The following DPP8 variants were observed in gnomAD, a reference collection of about 807,000 sequenced individuals.
DPP8 encodes DPP VIII.
Under a neutral mutation model 107.5 loss-of-function variants are expected in DPP8, and 31 were observed. The observed-to-expected ratio is 0.29, with a 90% CI of 0.22 to 0.39. The LOEUF is 0.39. DPP8 is among the 10% of genes least tolerant of loss of function. The pLI is 1.00. For synonymous variants in DPP8, 381 were observed against 356.6 expected (o/e 1.07, Z -0.77); for missense variants, 842 against 1,076.1 (o/e 0.78, Z 3.04).
rs751321402 is a variant in DPP8 at position 65,490,313 on chromosome 15, A to T, written c.716-14T>A. On this transcript the variant is annotated splice_polypyrimidine_tract_variant and intron_variant, in intron 5 of 19. Transcript: ENST00000300141. ...TGTTGGCTAGCTCTAGACAAATATA[A>T]AAGGCAAAATTATCACAGAAAGCTA... 7 of 1,514,272 alleles carry T rather than the reference A, an allele frequency of 4.6e-6. No individual in the cohort carries two copies. Among genetic ancestry groups the T allele is most frequent in the Non-Finnish European group, 6.4e-6 (7 of 1,090,150 alleles). The allele number at this position is 1,514,272 out of a possible 1,614,324, so 93.8% of individuals were successfully genotyped here.
At chr15:65,507,380 T>C (rs2070179706) in intron 2 of DPP8, 25 bp from the exon 3 acceptor site, 1 of 1,456,716 alleles carries the variant, frequency 6.9e-7, no homozygotes, top group Non-Finnish European at 9.6e-7. Flanking sequence ...AATCATTTAT[T>C]ATTATTTTTT....
At chr15:65,515,599 G>T in intron 1 of DPP8, 1 of 1,458,152 alleles carries the variant, frequency 6.9e-7, no homozygotes, top group Non-Finnish European at 9.6e-7. Context: ...TCAGCACAGT[G>T]CATATATTTC....
In DPP8 at chr15:65,452,000, A is replaced by C. The variant is rs1395161896; in HGVS notation, c.2374T>G (p.Leu792Val). Residue 792 changes from leucine (L) to valine (V), a missense_variant, in exon 18 of 20, where the codon TTA becomes GTA. Leu to Val is a conservative substitution (Grantham distance 32). Around this residue, in one of 2 missense-constraint regions of DPP8, gnomAD observed 179 missense variants for 318.0 expected, o/e 0.56. Coordinates refer to ENST00000300141, the MANE Select transcript of DPP8 (RefSeq NM_130434.5). ...TCTGCTTGCATGGCCACAGATCCTA[A>C]GTAATAGCCCTGTTCATTCTGGTCA... is the stretch of plus-strand genomic sequence containing the variant. ...HPDQNEQGYY[L>V]GSVAMQAEKF... The C allele has an allele frequency of 6.2e-7, 1 of 1,611,236 alleles. No homozygotes were observed. Among genetic ancestry groups the C allele is most frequent in the Non-Finnish European group, 8.5e-7 (1 of 1,179,016 alleles).
intron 5 of DPP8, among the ~76,000 whole-genome samples, chr15:65,494,107 G>A (rs941427039): frequency 4.8e-5 from 7 of 145,886 alleles, no homozygotes; most frequent in South Asian, 2.2e-4. Context: ...AGGCCACACA[G>A]TTAATAAATG....
In DPP8 at chr15:65,504,540, C is replaced by T. The variant is rs533206195; in HGVS notation, c.372+2703G>A. On this transcript the variant is annotated intron_variant, in intron 3 of 19. Transcript: ENST00000300141. ...CAAAAATTAGCTAGGCCTGGTGGCG[C>T]ACGCTATAGTCCCAGCTACTTGGGA... 1.8e-4 allele frequency among the ~76,000 whole-genome samples: 26 copies of T among 143,156 alleles called. No homozygotes were observed. The East Asian group carries it at 4.9e-3, about 27-fold the overall frequency. 93.9% of individuals were successfully genotyped at this position (143,156 alleles called of 152,430 possible). A position where few individuals can be genotyped will look rare whatever the true frequency, so the allele number is the denominator to read the frequency against.
chr15:65,513,152 T>C (rs544291192), intron 1 of DPP8, among the ~76,000 whole-genome samples: 1 of 152,340 alleles, frequency 6.6e-6, no homozygotes, highest in South Asian at 2.1e-4. Context: ...CTTAACTGGC[T>C]GATGCATTTC....
intron 1 of DPP8, among the ~76,000 whole-genome samples, chr15:65,514,588 G>A (rs967884857): frequency 5.9e-5 from 9 of 152,158 alleles, no homozygotes; most frequent in Non-Finnish European, 1.2e-4. Flanking sequence ...TCGGCTCACT[G>A]CAAACTCTGC....
chr15:65,465,110 T>C (rs1347967735), intron 14 of DPP8, among the ~76,000 whole-genome samples: 1 of 152,128 alleles, frequency 6.6e-6, no homozygotes, highest in Non-Finnish European at 1.5e-5. Context: ...GTTCTGATTC[T>C]GCTTGTGGAC....
intron 5 of DPP8, among the ~76,000 whole-genome samples, chr15:65,494,683 G>C (rs1596058566): frequency 6.9e-6 from 1 of 145,880 alleles, no homozygotes; most frequent in East Asian, 2.0e-4. Context: ...AAATCGCTAG[G>C]ATTTCCAAAA....
Position 65,500,251 on chromosome 15 carries a change from G to A in DPP8, c.546+355C>T, listed in dbSNP as rs891494501. On this transcript the variant is annotated intron_variant, in intron 4 of 19. Transcript: ENST00000300141. ...CTGACCAACATGGAGATACCCCATCGCTACTAAAAATACAAAATTAGCCAG... is the reference window on the plus strand; with the variant it reads ...CTGACCAACATGGAGATACCCCATCACTACTAAAAATACAAAATTAGCCAG... 4.0e-5 allele frequency among the ~76,000 whole-genome samples: 6 copies of A among 151,828 alleles called. No homozygotes were observed. In the East Asian group the frequency reaches 7.7e-4, roughly 20 times the overall value.
intron 8 of DPP8, 119 bp downstream of exon 8, chr15:65,484,980 C>A: frequency 1.3e-6 from 1 of 764,280 alleles, no homozygotes. Flanking sequence ...AAATCATGAT[C>A]CACCGATATC....
At chr15:65,504,394 G>A (rs1201944533) in intron 3 of DPP8, among the ~76,000 whole-genome samples, 4 of 151,032 alleles carry the variant, frequency 2.6e-5, no homozygotes, top group African/African-American at 9.7e-5. Context: ...TGGTAGGGCC[G>A]GGTGCAGCGG....
At chr15:65,507,945 A>G (rs908623736) in intron 2 of DPP8, among the ~76,000 whole-genome samples, 1 of 152,164 alleles carries the variant, frequency 6.6e-6, no homozygotes, top group African/African-American at 2.4e-5. Flanking sequence ...ATTCATTATA[A>G]AAGTTCTGTA....
chr15:65,498,832 T>C (rs1386212177), intron 4 of DPP8, among the ~76,000 whole-genome samples: 1 of 151,982 alleles, frequency 6.6e-6, no homozygotes, highest in East Asian at 1.9e-4. Flanking sequence ...GGCAAGAGGA[T>C]CACTTGAGCC....
chr15:65,452,149 G>A (rs1297651380), intron 17 of DPP8, 47 bp from the exon 18 acceptor site: 1 of 1,561,562 alleles, frequency 6.4e-7, no homozygotes, highest in Admixed American at 2.0e-5. Context: ...GAAAAAGAGA[G>A]TGGCTAGCAG....
chr15:65,469,531 T>TA (rs1174140434), intron 12 of DPP8, among the ~76,000 whole-genome samples: 1 of 150,318 alleles, frequency 6.7e-6, no homozygotes, highest in Non-Finnish European at 1.5e-5. Context: ...CATGCACCTG[T>TA]AATCCCAGCT....
intron 3 of DPP8, among the ~76,000 whole-genome samples, chr15:65,503,276 T>C (rs1045383932): frequency 2.0e-5 from 3 of 151,722 alleles, no homozygotes; most frequent in African/African-American, 7.3e-5. Flanking sequence ...TCGGCTAATT[T>C]TGTATTTTTA....
chr15:65,513,821 A>C (rs906324512), intron 1 of DPP8, among the ~76,000 whole-genome samples: 1 of 152,236 alleles, frequency 6.6e-6, no homozygotes, highest in Non-Finnish European at 1.5e-5. Flanking sequence ...CGAAGTACCA[A>C]ATAACAAAAA....
chr15:65,487,566 A>T, intron 7 of DPP8, 124 bp downstream of exon 7: 1 of 878,002 alleles, frequency 1.1e-6, no homozygotes. Flanking sequence ...TACTTAGTGA[A>T]CAACCCGTCG....
Sources: allele counts gnomAD v4.1 joint callset (sites outside exome capture counted in the v4.1 genomes callset), GRCh38; gene constraint gnomAD v4.1.1; regional missense constraint gnomAD v4.1.1; transcripts MANE v1.5; gene names NCBI Gene and HGNC (gene_info 2026-07-23, HGNC 2026-07-21).